The following EREG variants were observed in gnomAD, a reference collection of about 807,000 sequenced individuals.
EREG encodes the protein proepiregulin.
In EREG, 23 loss-of-function variants were observed where a neutral mutation model predicts 22.4. That is an observed-to-expected ratio of 1.03 (90% CI 0.74 to 1.46). The LOEUF (loss-of-function observed/expected upper bound fraction) is 1.46. EREG is among the 40% of genes most tolerant of loss of function. The pLI is 0.00. For missense variants in EREG, 226 were observed against 205.9 expected, an observed-to-expected ratio of 1.10 and a Z score of -0.60; for synonymous variants, 100 against 75.4, an observed-to-expected ratio of 1.33 and a Z score of -1.69.
At chr4:74,368,562 A>C (rs1299268213) in intron 1 of EREG, among the ~76,000 whole-genome samples, 1 of 152,250 alleles carries the variant, frequency 6.6e-6, no homozygotes, top group African/African-American at 2.4e-5. Context: ...TGGTTTAAAA[A>C]AAATAACAAT....
At position 74,365,308 on chromosome 4, in the gene EREG, G is replaced by A. The variant is rs150312130; in HGVS notation, c.-1G>A. 4 of 1,603,916 alleles carry A rather than the reference G, an allele frequency of 2.5e-6. No individual in the cohort carries two copies. The highest frequency in any genetic ancestry group is 1.1e-5 in the South Asian group (1 of 91,016). ...AGCCCCAGCGCCCGCTCCCATCGCC[G>A]ATGACCGCGGGGAGGAGGATGGAGA... On this transcript the variant is annotated 5_prime_UTR_variant, in exon 1 of 5. Transcript: ENST00000244869.
rs1268592209 is a variant in EREG, at chr4:74,382,768, C to G, written c.402C>G (p.Val134=). Residue 134 remains valine, a synonymous_variant, in exon 4 of 5, where the codon GTC becomes GTG. Coordinates refer to ENST00000244869, the MANE Select transcript of EREG (RefSeq NM_001432.3). The part of the protein sequence containing the change: ...ILIILFLITV[V]GSTYYFCRWY... ...TTATTTTGTTTCTTATCACAGTCGT[C>G]GGTTCCACATATTATTTCTGCAGAT... 3.1e-6 allele frequency: 5 copies of G among 1,613,106 alleles called. No homozygotes were observed. The highest frequency in any genetic ancestry group is 4.2e-6 in the Non-Finnish European group (5 of 1,179,630).
At chr4:74,369,669 GCA>G (rs145172452) in intron 1 of EREG, among the ~76,000 whole-genome samples, 7 of 151,756 alleles carry the variant, frequency 4.6e-5, no homozygotes, top group East Asian at 1.9e-4. Context: ...ATTGATACGT[GCA>G]CACACACACA....
intron 2 of EREG, 58 bp from the exon 3 acceptor site, chr4:74,380,956 G>C (rs1752463102): frequency 1.3e-6 from 2 of 1,567,116 alleles, no homozygotes; most frequent in African/African-American, 1.4e-5. Context: ...TTATGAAAGA[G>C]TGAGAAATTC....
chr4:74,388,063 T>C lies in EREG; in HGVS notation c.*3255T>C, dbSNP rs572572554. On this transcript the variant is annotated 3_prime_UTR_variant, in exon 5 of 5. Coordinates refer to ENST00000244869, the MANE Select transcript of EREG (RefSeq NM_001432.3). ...ATGACTACGTCTTAAGTCAGATTTT[T>C]ATTTATGAGTCTTTGAGACTAAATT... 1.3e-5 allele frequency: 2 copies of C among 152,336 alleles called. No individual in the cohort carries two copies. The highest frequency in any genetic ancestry group is 1.5e-5 in the Non-Finnish European group (1 of 68,022). The allele number at this position is 152,336 out of a possible 1,614,324, so 9.4% of individuals were successfully genotyped here. A position where few individuals can be genotyped will look rare whatever the true frequency, so the allele number is the denominator to read the frequency against.
chr4:74,384,714 T>C lies in EREG; in HGVS notation c.429-13T>C. On this transcript the variant is annotated splice_polypyrimidine_tract_variant and intron_variant, in intron 4 of 4. Coordinates refer to ENST00000244869, the MANE Select transcript of EREG (RefSeq NM_001432.3). ...ACTGCAGTGCTAACAGTTTCGTTTG[T>C]GAATATTTCCAGGTACAGAAATCGA... is the stretch of plus-strand genomic sequence containing the variant. The C allele has an allele frequency of 1.3e-6, 2 of 1,558,864 alleles. No homozygotes were observed. Among genetic ancestry groups the C allele is most frequent in the Middle Eastern group, 1.7e-4 (1 of 5,966 alleles).
At position 74,385,636 on chromosome 4, in the gene EREG, T is replaced by A. The variant is rs1752557342; in HGVS notation, c.*828T>A. 5.9e-6 allele frequency: 2 copies of A among 341,354 alleles called. No homozygotes were observed. The highest frequency in any genetic ancestry group is 5.2e-6 in the Non-Finnish European group (1 of 190,526). The allele number at this position is 341,354 out of a possible 1,614,324, so 21.1% of individuals were successfully genotyped here. A position where few individuals can be genotyped will look rare whatever the true frequency, so the allele number is the denominator to read the frequency against. Reference sequence around the variant, plus strand: ...AGACAATTAGAAAAAAGTCCACACTTGAAGCCTAAATTTGTGCTTTTTAAG... The same window carrying A: ...AGACAATTAGAAAAAAGTCCACACTAGAAGCCTAAATTTGTGCTTTTTAAG... On this transcript the variant is annotated 3_prime_UTR_variant, in exon 5 of 5. Coordinates refer to ENST00000244869, the MANE Select transcript of EREG (RefSeq NM_001432.3).
At chr4:74,377,240 A>G (rs1752397915) in intron 1 of EREG, among the ~76,000 whole-genome samples, 1 of 152,168 alleles carries the variant, frequency 6.6e-6, no homozygotes, top group Admixed American at 6.5e-5. Flanking sequence ...ACACCCAGAA[A>G]AGTAAATTAA....
chr4:74,379,114 G>A (rs1192039248), intron 1 of EREG, among the ~76,000 whole-genome samples: 1 of 152,112 alleles, frequency 6.6e-6, no homozygotes, highest in Admixed American at 6.6e-5. Flanking sequence ...AACACATGAT[G>A]GAATAAAACA....
intron 1 of EREG, among the ~76,000 whole-genome samples, chr4:74,367,536 A>T (rs1009891510): frequency 6.6e-6 from 1 of 152,190 alleles, no homozygotes; most frequent in Non-Finnish European, 1.5e-5. Context: ...TCATGCCTAC[A>T]TGGGTTTTTG....
At chr4:74,372,039 G>C (rs927676122) in intron 1 of EREG, among the ~76,000 whole-genome samples, 1 of 152,070 alleles carries the variant, frequency 6.6e-6, no homozygotes, top group Non-Finnish European at 1.5e-5. Context: ...GATATTTATT[G>C]AGTAAACATT....
At chr4:74,375,951 A>G (rs1037374878) in intron 1 of EREG, among the ~76,000 whole-genome samples, 12 of 152,230 alleles carry the variant, frequency 7.9e-5, no homozygotes, top group Non-Finnish European at 1.5e-4. Context: ...TAATGCAGCA[A>G]GTCTCACAGA....
intron 1 of EREG, among the ~76,000 whole-genome samples, chr4:74,374,604 T>G (rs1366550937): frequency 2.6e-5 from 4 of 152,230 alleles, no homozygotes; most frequent in Non-Finnish European, 5.9e-5. Flanking sequence ...AAGTACATTT[T>G]CTACATCTGG....
chr4:74,374,076 G>A (rs1374492247), intron 1 of EREG, among the ~76,000 whole-genome samples: 1 of 152,178 alleles, frequency 6.6e-6, no homozygotes, highest in Non-Finnish European at 1.5e-5. Context: ...CAGCAAAAGT[G>A]TGAACAAAGA....
chr4:74,375,485 ATTT>A (rs34399498), intron 1 of EREG, among the ~76,000 whole-genome samples: 20 of 133,130 alleles, frequency 1.5e-4, no homozygotes, highest in Middle Eastern at 3.7e-3. Flanking sequence ...TGCCTGGCTA[ATTT>A]TTTTTTTTTT....
intron 1 of EREG, among the ~76,000 whole-genome samples, chr4:74,371,210 G>T (rs1466374669): frequency 2.6e-5 from 4 of 151,960 alleles, no homozygotes; most frequent in Admixed American, 2.0e-4. Flanking sequence ...TTTTTTAATT[G>T]CTGTTACACA....
At chr4:74,379,997 C>T (rs776897442) in intron 2 of EREG, among the ~76,000 whole-genome samples, 2 of 152,138 alleles carry the variant, frequency 1.3e-5, no homozygotes, top group African/African-American at 2.4e-5. Flanking sequence ...AAACATTTAT[C>T]GAGTATGTAG....
intron 1 of EREG, among the ~76,000 whole-genome samples, chr4:74,368,277 GA>G (rs1305956100): frequency 1.3e-5 from 2 of 152,126 alleles, no homozygotes. Context: ...AAAATATGTT[GA>G]ATTTTTACTT....
chr4:74,384,879 T>C lies in EREG; in HGVS notation c.*71T>C, dbSNP rs1044207528. ...AATATTAATATTCCCATTTTATTAA[T>C]AATATTTATGTTGGGTCAAGTGTTA... On this transcript the variant is annotated 3_prime_UTR_variant, in exon 5 of 5. Transcript: ENST00000244869. The C allele has an allele frequency of 7.0e-6, 6 of 862,752 alleles. No individual in the cohort carries two copies. Among genetic ancestry groups the C allele is most frequent in the Non-Finnish European group, 1.1e-5 (6 of 529,462 alleles). 53.4% of individuals were successfully genotyped at this position (862,752 alleles called of 1,614,324 possible).
Sources: allele counts gnomAD v4.1 joint callset (sites outside exome capture counted in the v4.1 genomes callset), GRCh38; gene constraint gnomAD v4.1.1; transcripts MANE v1.5; gene names NCBI Gene and HGNC (gene_info 2026-07-23, HGNC 2026-07-21).